SCARB2: variants seen among roughly 807,000 people sequenced by gnomAD.
SCARB2 encodes the protein scavenger receptor class B member 2, also known as lysosome membrane protein 2.
Under a neutral mutation model 58.6 loss-of-function variants are expected in SCARB2, and 29 were observed. The ratio of observed to expected loss-of-function variants is 0.49; its 90% CI spans 0.37 to 0.67. The LOEUF (loss-of-function observed/expected upper bound fraction) is 0.67. SCARB2 is among the 30% of genes least tolerant of loss of function. The pLI, the probability that SCARB2 is intolerant of heterozygous loss-of-function variation, is 0.00. For synonymous variants in SCARB2, 195 were observed against 210.1 expected, an observed-to-expected ratio of 0.93 and a Z score of 0.62; for missense variants, 488 against 578.5, an observed-to-expected ratio of 0.84 and a Z score of 1.60.
At chr4:76,186,870 T>C (rs1278834257) in intron 2 of SCARB2, among the ~76,000 whole-genome samples, 1 of 152,070 alleles carries the variant, frequency 6.6e-6, no homozygotes, top group African/African-American at 2.4e-5. Flanking sequence ...GCAAAACAAA[T>C]ACAGTTTTAG....
rs753744775 is a variant in SCARB2, at chr4:76,195,876, C to T, written c.118-12G>A. On this transcript the variant is annotated splice_polypyrimidine_tract_variant and intron_variant, in intron 1 of 11. Transcript: ENST00000264896. ...CTTAACACAATTTTCTAGGAAAAAA[C>T]CAAAAGGAGATTTACAAAAATGTAA... is the stretch of plus-strand genomic sequence containing the variant. 6.2e-7 allele frequency: 1 copy of T among 1,604,322 alleles called. No individual in the cohort carries two copies. The highest frequency in any genetic ancestry group is 1.3e-5 in the African/African-American group (1 of 74,350).
At chr4:76,191,097 T>C (rs925020883) in intron 2 of SCARB2, among the ~76,000 whole-genome samples, 1 of 152,136 alleles carries the variant, frequency 6.6e-6, no homozygotes, top group African/African-American at 2.4e-5. Context: ...CAACAAACAA[T>C]GGGACACTTA....
intron 4 of SCARB2, among the ~76,000 whole-genome samples, chr4:76,178,700 T>C (rs1396891730): frequency 2.6e-5 from 4 of 152,196 alleles, no homozygotes; most frequent in Admixed American, 6.5e-5. Context: ...GAATGATGCA[T>C]TCAGAGTTGG....
rs773036432 is a variant in SCARB2, at chr4:76,163,307, G to A, written c.1316C>T (p.Pro439Leu). ...CACACCCAGCGCCATGATGATGTAGGGTATGTTGGTGATGATCAAAGTAGT... is the reference window on the plus strand; with the variant it reads ...CACACCCAGCGCCATGATGATGTAGAGTATGTTGGTGATGATCAAAGTAGT... ...INTTLIITNIPYIIMALGVFF... is the reference protein window; with the variant it reads ...INTTLIITNILYIIMALGVFF... Residue 439 changes from proline (P) to leucine (L), a missense_variant, in exon 11 of 12, where the codon CCC becomes CTC. Pro to Leu is a moderately conservative substitution (Grantham distance 98). Coordinates refer to ENST00000264896, the MANE Select transcript of SCARB2 (RefSeq NM_005506.4). The A allele has an allele frequency of 4.3e-6, 7 of 1,614,102 alleles. No homozygotes were observed. The highest frequency in any genetic ancestry group is 1.7e-5 in the Admixed American group (1 of 60,024).
chr4:76,185,295 G>T (rs1265120142), intron 2 of SCARB2, among the ~76,000 whole-genome samples: 1 of 152,162 alleles, frequency 6.6e-6, no homozygotes, highest in Non-Finnish European at 1.5e-5. Context: ...TGTCCTACAA[G>T]ATCAAAGAAG....
At chr4:76,190,846 T>C (rs987114390) in intron 2 of SCARB2, among the ~76,000 whole-genome samples, 1 of 152,194 alleles carries the variant, frequency 6.6e-6, no homozygotes. Flanking sequence ...GGAATTATGC[T>C]GTCTAATAGG....
chr4:76,173,699 T>C (rs1732182718), intron 7 of SCARB2: 1 of 195,766 alleles, frequency 5.1e-6, no homozygotes, highest in African/African-American at 2.4e-5. Flanking sequence ...CATGTAAATA[T>C]GTAAAGCACT....
At chr4:76,181,769 C>G (rs1732391789) in intron 2 of SCARB2, among the ~76,000 whole-genome samples, 1 of 152,086 alleles carries the variant, frequency 6.6e-6, no homozygotes, top group South Asian at 2.1e-4. Flanking sequence ...TCTTACTATG[C>G]TACCCAGGCT....
chr4:76,166,645 T>C (rs1732014902), intron 9 of SCARB2: 1 of 390,698 alleles, frequency 2.6e-6, no homozygotes, highest in African/African-American at 2.1e-5. Context: ...GTACTGTCTT[T>C]GCAACAAGAG....
chr4:76,201,561 C>T (rs1246813102), intron 1 of SCARB2, among the ~76,000 whole-genome samples: 1 of 152,158 alleles, frequency 6.6e-6, no homozygotes. Flanking sequence ...CAAAATGCCG[C>T]ATATTCTAAA....
At chr4:76,176,584 T>G (rs755347354) in intron 4 of SCARB2, 56 bp from the exon 5 acceptor site, 4 of 1,252,100 alleles carry the variant, frequency 3.2e-6, no homozygotes, top group Non-Finnish European at 4.7e-6. Flanking sequence ...TATGACAACT[T>G]GGCTAGACTA....
chr4:76,172,206 ATATATG>A (rs1472696727), intron 7 of SCARB2, among the ~76,000 whole-genome samples: 3 of 141,008 alleles, frequency 2.1e-5, no homozygotes, highest in African/African-American at 9.0e-5. Flanking sequence ...AGTTGTATAT[ATATATG>A]TATATATACA....
At chr4:76,195,614 C>T in intron 2 of SCARB2, 93 bp downstream of exon 2, 1 of 1,078,140 alleles carries the variant, frequency 9.3e-7, no homozygotes, top group South Asian at 1.3e-5. Flanking sequence ...TCCCACACAG[C>T]CCTGGAGCCT....
chr4:76,185,500 G>A (rs1040233984), intron 2 of SCARB2, among the ~76,000 whole-genome samples: 3 of 152,152 alleles, frequency 2.0e-5, no homozygotes, highest in Non-Finnish European at 2.9e-5. Flanking sequence ...TTACTATGAC[G>A]GTCCTTGTCA....
chr4:76,213,731 G>T lies in SCARB2; in HGVS notation c.-188C>A, dbSNP rs929687931. On this transcript the variant is annotated 5_prime_UTR_variant, in exon 1 of 12. Coordinates refer to ENST00000264896, the MANE Select transcript of SCARB2 (RefSeq NM_005506.4). ...TGGCGAGCGCGGCCCCGGGTGCACC[G>T]GGCGGATGGGGCCGCGGAGGGACGG... The T allele has an allele frequency of 2.2e-5, 11 of 489,812 alleles. No individual in the cohort carries two copies. The highest frequency in any genetic ancestry group is 2.1e-4 in the African/African-American group (10 of 47,800). The allele number at this position is 489,812 out of a possible 1,614,324, so 30.3% of individuals were successfully genotyped here.
At chr4:76,163,724 T>C in intron 10 of SCARB2, 1 of 361,938 alleles carries the variant, frequency 2.8e-6, no homozygotes, top group Non-Finnish European at 5.2e-6. Context: ...CCAAAAGTTT[T>C]CTCTGGCTAC....
At chr4:76,168,522 T>G (rs1204634233) in intron 8 of SCARB2, 46 bp from the exon 9 acceptor site, 1 of 1,529,634 alleles carries the variant, frequency 6.5e-7, no homozygotes. Flanking sequence ...TTTATTAAAC[T>G]GCAAACAACT....
rs778240856 is a variant in SCARB2 at position 76,177,677 on chromosome 4, G to A, written c.613-1149C>T. 7.9e-5 allele frequency among the ~76,000 whole-genome samples: 12 copies of A among 152,228 alleles called. No homozygotes were observed. The South Asian group carries it at 8.3e-4, about 11-fold the overall frequency. ...GCAAAATGTGGTATATCTACACAAC[G>A]GAATATTCCTCAGTTATAAAAAGGA... On this transcript the variant is annotated intron_variant, in intron 4 of 11. Transcript: ENST00000264896.
chr4:76,213,376 G>A (rs371566455), intron 1 of SCARB2, 51 bp downstream of exon 1: 495 of 1,234,900 alleles, frequency 4.0e-4, no homozygotes, highest in Non-Finnish European at 5.5e-4. Flanking sequence ...GCAGGGATGG[G>A]AGGGTGAGCT....
Sources: gnomAD v4.1 joint callset for allele counts (sites outside exome capture counted in the v4.1 genomes callset) on GRCh38, gnomAD v4.1.1 for gene constraint, MANE v1.5 for transcripts, NCBI Gene and HGNC (gene_info 2026-07-23, HGNC 2026-07-21) for gene names.